PLEKHG3: variants seen among roughly 807,000 people sequenced by gnomAD.
PLEKHG3 encodes pleckstrin homology domain-containing family G member 3.
In PLEKHG3, 62 loss-of-function variants were observed where a neutral mutation model predicts 94.9. The observed-to-expected ratio is 0.65, with a 90% CI of 0.53 to 0.81. The LOEUF (loss-of-function observed/expected upper bound fraction) is 0.81, where lower values mean the gene tolerates loss of function less well. Among genes scored for constraint, PLEKHG3 ranks in the 30% least tolerant of loss-of-function variants. The pLI, the probability that PLEKHG3 is intolerant of heterozygous loss-of-function variation, is 0.00. For synonymous variants in PLEKHG3, 614 were observed against 654.0 expected, an observed-to-expected ratio of 0.94 and a Z score of 0.93; for missense variants, 1,461 against 1,619.3, an observed-to-expected ratio of 0.90 and a Z score of 1.68.
At position 64,749,800 on chromosome 14, in the gene PLEKHG3, CCT is replaced by C; in HGVS notation, c.*6101_*6102del. ...ATACCCTGAGCCGAACATCCAGACC[CCT>C]CTCAGGCAGCCCAGCACTTTCTGAG... is the stretch of plus-strand genomic sequence containing the variant. On this transcript the variant is annotated 3_prime_UTR_variant, in exon 17 of 17. Transcript: ENST00000247226. This position sits in a 1 kb window ranked among gnomAD's most constrained non-coding sequence, Gnocchi z 4.7. 1 of 1,516,982 alleles carries C rather than the reference CCT, an allele frequency of 6.6e-7. No individual in the cohort carries two copies. The highest frequency in any genetic ancestry group is 1.2e-5 in the South Asian group (1 of 86,110). 94.0% of individuals were successfully genotyped at this position (1,516,982 alleles called of 1,614,324 possible). A position where few individuals can be genotyped will look rare whatever the true frequency, so the allele number is the denominator to read the frequency against.
At chr14:64,719,274 A>T (rs1186666085) in intron 1 of PLEKHG3, among the ~76,000 whole-genome samples, 1 of 152,032 alleles carries the variant, frequency 6.6e-6, no homozygotes, top group African/African-American at 2.4e-5. Flanking sequence ...CATGGTAGGT[A>T]CAAGGCAGAA....
rs549149668 is a variant in PLEKHG3 at position 64,718,250 on chromosome 14, A to G, written c.-39-9343A>G. Among the ~76,000 whole-genome samples, 2 of 152,258 alleles carry G rather than the reference A, an allele frequency of 1.3e-5. No individual in the cohort carries two copies. Among genetic ancestry groups the G allele is most frequent in the Non-Finnish European group, 2.9e-5 (2 of 68,018 alleles). Reference sequence around the variant, plus strand: ...ATTGTTTTGTGAATACTCTGTTTATATGGCCATTTTTCCTTCTGAAGTTCA... The same window carrying G: ...ATTGTTTTGTGAATACTCTGTTTATGTGGCCATTTTTCCTTCTGAAGTTCA... On this transcript the variant is annotated intron_variant, in intron 1 of 16. Coordinates refer to ENST00000247226, the MANE Select transcript of PLEKHG3 (RefSeq NM_001308147.2). The surrounding 1 kb of genome is among the most constrained non-coding windows in gnomAD (Gnocchi z 5.0).
rs1394853641 is a variant in PLEKHG3, at chr14:64,715,130, G to A, written c.-40+10426G>A. On this transcript the variant is annotated intron_variant, in intron 1 of 16. Transcript: ENST00000247226. The surrounding 1 kb of genome is among the most constrained non-coding windows in gnomAD (Gnocchi z 4.4). Reference sequence around the variant, plus strand: ...ACTGTTTTTGGAGGCATCTACAGGTGAGTTATGAATTCCCAGGTGACTCTA... The same window carrying A: ...ACTGTTTTTGGAGGCATCTACAGGTAAGTTATGAATTCCCAGGTGACTCTA... 2.6e-5 allele frequency among the ~76,000 whole-genome samples: 4 copies of A among 152,164 alleles called. No individual in the cohort carries two copies. The highest frequency in any genetic ancestry group is 9.7e-5 in the African/African-American group (4 of 41,424).
rs1464485490 is a variant in PLEKHG3 at position 64,730,161 on chromosome 14, G to A, written c.450-82G>A. The stretch of plus-strand genomic sequence containing the variant: ...GCAATAGGGCTGGCTGTCAGTCAGG[G>A]TTTGGGAGGTTGGGGAGGGGGCAGT... On this transcript the variant is annotated intron_variant, in intron 3 of 16. Transcript: ENST00000247226. The surrounding 1 kb of genome is among the most constrained non-coding windows in gnomAD (Gnocchi z 5.4). 3.2e-4 allele frequency: 246 copies of A among 765,980 alleles called. 4 individuals carry two copies. The East Asian group carries it at 6.6e-3, about 20-fold the overall frequency. The allele number at this position is 765,980 out of a possible 1,614,324, so 47.4% of individuals were successfully genotyped here.
intron 1 of PLEKHG3, among the ~76,000 whole-genome samples, chr14:64,709,729 C>CTGTGTGTGTGTGTG (rs3063746): frequency 3.5e-4 from 51 of 144,110 alleles, no homozygotes; most frequent in African/African-American, 1.2e-3. Context: ...GGCTGTGAGA[C>CTGTGTGTGTGTGTG]TGTGTGTGTG....
rs144144480 is a variant in PLEKHG3, at chr14:64,730,817, G to T, written c.585G>T (p.Thr195=). Residue 195 remains threonine, a synonymous_variant, in exon 6 of 17, where the codon ACG becomes ACT. Coordinates refer to ENST00000247226, the MANE Select transcript of PLEKHG3 (RefSeq NM_001308147.2). This position sits in a 1 kb window ranked among gnomAD's most constrained non-coding sequence, Gnocchi z 5.4. ...CTCCCAGCTCCGTGGCCGCCCTGAC[G>T]GAATGCATGCGGGACAAGCAGCAGG... ...NNYPNSVAAL[T]ECMRDKQQAK... The T allele has an allele frequency of 6.2e-7, 1 of 1,613,432 alleles. No homozygotes were observed. Among genetic ancestry groups the T allele is most frequent in the South Asian group, 1.1e-5 (1 of 91,074 alleles).
At chr14:64,733,388 G>A (rs1306276822) in intron 12 of PLEKHG3, among the ~76,000 whole-genome samples, 1 of 151,880 alleles carries the variant, frequency 6.6e-6, no homozygotes, top group East Asian at 1.9e-4. Flanking sequence ...GGCTAGTTTC[G>A]AACTCCTGGC....
chr14:64,714,743 C>G (rs933466931), intron 1 of PLEKHG3, among the ~76,000 whole-genome samples: 2 of 152,200 alleles, frequency 1.3e-5, no homozygotes, highest in East Asian at 1.9e-4. Flanking sequence ...TTGGCCTTCC[C>G]TTCCCAAACT....
In PLEKHG3 at chr14:64,718,648, C is replaced by G. The variant is rs1421584171; in HGVS notation, c.-39-8945C>G. Among the ~76,000 whole-genome samples, 1 of 152,138 alleles carries G rather than the reference C, an allele frequency of 6.6e-6. No homozygotes were observed. The highest frequency in any genetic ancestry group is 1.5e-5 in the Non-Finnish European group (1 of 68,034). On this transcript the variant is annotated intron_variant, in intron 1 of 16. Coordinates refer to ENST00000247226, the MANE Select transcript of PLEKHG3 (RefSeq NM_001308147.2). The surrounding 1 kb of genome is among the most constrained non-coding windows in gnomAD (Gnocchi z 5.0). ...CTGATCATACAGTGGCTAGGCAGAG[C>G]CAGGGTAGTTTGGAGGAGTGCTGGC...
rs2081852473 is a variant in PLEKHG3 at position 64,746,850 on chromosome 14, T to G, written c.*3147T>G. 1 of 152,050 alleles carries G rather than the reference T, an allele frequency of 6.6e-6. No individual in the cohort carries two copies. The highest frequency in any genetic ancestry group is 1.5e-5 in the Non-Finnish European group (1 of 67,952). The allele number at this position is 152,050 out of a possible 1,614,324, so 9.4% of individuals were successfully genotyped here. The stretch of plus-strand genomic sequence containing the variant: ...GTGGACTGGAGCTGTGTCAACCTCG[T>G]TTGGGAATACTGTCAAAAGACTGTA... On this transcript the variant is annotated 3_prime_UTR_variant, in exon 17 of 17. Transcript: ENST00000247226. The surrounding 1 kb of genome is among the most constrained non-coding windows in gnomAD (Gnocchi z 4.9).
rs767034301 is a variant in PLEKHG3 at position 64,738,796 on chromosome 14, C to T, written c.1459C>T (p.Arg487Trp). 1.0e-5 allele frequency: 16 copies of T among 1,600,526 alleles called. No homozygotes were observed. Among genetic ancestry groups the T allele is most frequent in the Middle Eastern group, 3.3e-4 (2 of 6,066 alleles). Residue 487 changes from arginine (R) to tryptophan (W), a missense_variant, in exon 15 of 17, where the codon CGG becomes TGG. Arg to Trp is a moderately radical substitution (Grantham distance 101). This residue lies in a region of PLEKHG3 where 1,201 missense variants were observed against 1,295.5 expected (regional missense o/e 0.93). Transcript: ENST00000247226. This position sits in a 1 kb window ranked among gnomAD's most constrained non-coding sequence, Gnocchi z 4.8. Reference protein sequence around the residue: ...SSRSSRRPSGRSPTSTEKRMS... With the variant: ...SSRSSRRPSGWSPTSTEKRMS... ...CAGGAGCAGCAGAAGGCCCAGTGGC[C>T]GGTCTCCAACCAGTACTGAGAAGCG... is the stretch of plus-strand genomic sequence containing the variant.
rs376937057 is a variant in PLEKHG3, at chr14:64,732,890, G to T, written c.1334G>T (p.Arg445Leu). 1 of 1,603,020 alleles carries T rather than the reference G, an allele frequency of 6.2e-7. No individual in the cohort carries two copies. The highest frequency in any genetic ancestry group is 1.7e-5 in the Admixed American group (1 of 58,830). The change falls in exon 12 of 17, where the codon CGC becomes CTC. Residue 445 changes from arginine (R) to leucine (L), a missense_variant. Arg to Leu is a moderately radical substitution (Grantham distance 102, BLOSUM62 -2). Around this residue, in one of 3 missense-constraint regions of PLEKHG3, gnomAD observed 1,201 missense variants for 1,295.5 expected, o/e 0.93. Coordinates refer to ENST00000247226, the MANE Select transcript of PLEKHG3 (RefSeq NM_001308147.2). The surrounding 1 kb of genome is among the most constrained non-coding windows in gnomAD (Gnocchi z 4.9). ...DEVSTNVRQG[R>L]RQSEPTKHLL... The stretch of plus-strand genomic sequence containing the variant: ...GTGTCCACCAATGTGCGCCAGGGGC[G>T]CCGGCAATCTGGTAAGAGAAGGGCT...
chr14:64,714,533 A>G (rs2081107448), intron 1 of PLEKHG3, among the ~76,000 whole-genome samples: 1 of 152,210 alleles, frequency 6.6e-6, no homozygotes, highest in Non-Finnish European at 1.5e-5. Flanking sequence ...CGTCTTGCTT[A>G]CTGGAATGTA....
At position 64,727,552 on chromosome 14, in the gene PLEKHG3, G is replaced by A. The variant is rs2081375936; in HGVS notation, c.-39-41G>A. On this transcript the variant is annotated intron_variant, in intron 1 of 16. Coordinates refer to ENST00000247226, the MANE Select transcript of PLEKHG3 (RefSeq NM_001308147.2). The surrounding 1 kb of genome is among the most constrained non-coding windows in gnomAD (Gnocchi z 6.0). ...CCGTCCCTCTGTTCTGTTTCTGTGG[G>A]CATTCAGAGGTTGACCCTTCATCTG... 1 of 720,284 alleles carries A rather than the reference G, an allele frequency of 1.4e-6. No individual in the cohort carries two copies. Among genetic ancestry groups the A allele is most frequent in the Non-Finnish European group, 2.4e-6 (1 of 414,344 alleles). 44.6% of individuals were successfully genotyped at this position (720,284 alleles called of 1,614,324 possible). A position where few individuals can be genotyped will look rare whatever the true frequency, so the allele number is the denominator to read the frequency against.
rs1297631255 is a variant in PLEKHG3, at chr14:64,749,465, C to T, written c.*5762C>T. On this transcript the variant is annotated 3_prime_UTR_variant, in exon 17 of 17. Transcript: ENST00000247226. This position sits in a 1 kb window ranked among gnomAD's most constrained non-coding sequence, Gnocchi z 4.7. Reference sequence around the variant, plus strand: ...TGCTCACGCCCTGCAGCCAGGACAGCATCTCCTCCTGCGGGGCGGAGGGTC... The same window carrying T: ...TGCTCACGCCCTGCAGCCAGGACAGTATCTCCTCCTGCGGGGCGGAGGGTC... The T allele has an allele frequency of 6.2e-7, 1 of 1,601,050 alleles. No homozygotes were observed.
chr14:64,732,939 CACACCCTTGCCCAG>C lies in PLEKHG3; in HGVS notation c.1345+41_1345+54del. The C allele has an allele frequency of 1.5e-6, 2 of 1,307,384 alleles. No individual in the cohort carries two copies. Among genetic ancestry groups the C allele is most frequent in the Non-Finnish European group, 2.2e-6 (2 of 917,754 alleles). The allele number at this position is 1,307,384 out of a possible 1,614,324, so 81.0% of individuals were successfully genotyped here. On this transcript the variant is annotated intron_variant, in intron 12 of 16. Coordinates refer to ENST00000247226, the MANE Select transcript of PLEKHG3 (RefSeq NM_001308147.2). The surrounding 1 kb of genome is among the most constrained non-coding windows in gnomAD (Gnocchi z 4.9). Reference sequence around the variant, plus strand: ...CTGTGGAGGCAGGAGGCCTCTCCCTCACACCCTTGCCCAGACTGGGGACCGTCTGCGGCAGTGTC... The same window carrying C: ...CTGTGGAGGCAGGAGGCCTCTCCCTCACTGGGGACCGTCTGCGGCAGTGTC...
Position 64,749,851 on chromosome 14 carries a change from C to T in PLEKHG3, c.*6148C>T. The T allele has an allele frequency of 1.3e-6, 2 of 1,498,654 alleles. No homozygotes were observed. Among genetic ancestry groups the T allele is most frequent in the Non-Finnish European group, 1.8e-6 (2 of 1,083,280 alleles). The allele number at this position is 1,498,654 out of a possible 1,614,324, so 92.8% of individuals were successfully genotyped here. On this transcript the variant is annotated 3_prime_UTR_variant, in exon 17 of 17. Transcript: ENST00000247226. This position sits in a 1 kb window ranked among gnomAD's most constrained non-coding sequence, Gnocchi z 4.7. ...AGAGGTCAAAGTCTGGACCATCAGC[C>T]TCTTTGATTTGAAAAACCCCTGAGG...
rs574417692 is a variant in PLEKHG3, at chr14:64,741,727, G to A, written c.2210G>A (p.Arg737His). Residue 737 changes from arginine to histidine, a missense_variant, in exon 16 of 17, where the codon CGT (arginine) becomes CAT (histidine). Coordinates refer to ENST00000247226, the MANE Select transcript of PLEKHG3 (RefSeq NM_001308147.2). ...CACCATGATGCAGGCTTCAGCGTCC[G>A]TCGCCGGGAGAGCCTCTCCTACATC... ...AEHHDAGFSV[R>H]RRESLSYIPK... 10 of 1,613,098 alleles carry A rather than the reference G, an allele frequency of 6.2e-6. No homozygotes were observed. In the South Asian group the frequency reaches 6.6e-5, roughly 11 times the overall value.
rs2139378570 is a variant in PLEKHG3 at position 64,727,059 on chromosome 14, G to A, written c.-39-534G>A. 6.6e-6 allele frequency among the ~76,000 whole-genome samples: 1 copy of A among 152,246 alleles called. No homozygotes were observed. The highest frequency in any genetic ancestry group is 1.9e-4 in the East Asian group (1 of 5,184). ...ATGGTGTATGGAGCACGTACCCTATGCCAGGCATCATGCTCAGAGCTTTAC... is the reference window on the plus strand; with the variant it reads ...ATGGTGTATGGAGCACGTACCCTATACCAGGCATCATGCTCAGAGCTTTAC... On this transcript the variant is annotated intron_variant, in intron 1 of 16. Transcript: ENST00000247226. The surrounding 1 kb of genome is among the most constrained non-coding windows in gnomAD (Gnocchi z 6.0).
Sources: gnomAD v4.1 joint callset for allele counts (sites outside exome capture counted in the v4.1 genomes callset) on GRCh38, gnomAD v4.1.1 for gene constraint, gnomAD v4.1.1 regional missense constraint, Gnocchi (gnomAD v3.1) non-coding constraint, MANE v1.5 for transcripts, NCBI Gene and HGNC (gene_info 2026-07-23, HGNC 2026-07-21) for gene names.